P2RY8: variants seen among roughly 807,000 people sequenced by gnomAD.
P2RY8 encodes the protein P2Y receptor family member 8.
A neutral mutation model predicts 10.0 loss-of-function variants in P2RY8; 6 were observed. The observed-to-expected ratio is 0.60, with a 90% CI of 0.33 to 1.19. The LOEUF (loss-of-function observed/expected upper bound fraction) is 1.19, where lower values mean the gene tolerates loss of function less well. P2RY8 is among the 50% of genes most tolerant of loss of function. The probability of loss-of-function intolerance (pLI) is 0.04; values close to 1 mark genes in which losing one functional copy is unlikely to be tolerated. For missense variants in P2RY8, 456 were observed against 542.0 expected, an observed-to-expected ratio of 0.84 and a Z score of 1.58; for synonymous variants, 276 against 252.5, an observed-to-expected ratio of 1.09 and a Z score of -0.88.
intron 1 of P2RY8, among the ~76,000 whole-genome samples, chrX:1,474,677 C>T (rs1377080545): frequency 5.6e-4 from 57 of 100,992 alleles, no homozygotes; most frequent in Middle Eastern, 0.017. Flanking sequence ...GATGGGTGGA[C>T]AGATGGATGA....
chrX:1,514,725 TCCCTTCCTTCCCTTCCTTCCCTTCCTTC>T (rs2092329446), intron 1 of P2RY8, among the ~76,000 whole-genome samples: 1 of 1,254 alleles, frequency 8.0e-4, no homozygotes, highest in African/African-American at 9.3e-4. Flanking sequence ...TCCCTTCCCT[TCCCTTCCTTCCCTTCCTTCCCTTCCTTC>T]CCTTCCCTTC....
intron 1 of P2RY8, among the ~76,000 whole-genome samples, chrX:1,495,401 T>C (rs1425840231): frequency 1.3e-5 from 2 of 151,984 alleles, no homozygotes; most frequent in Non-Finnish European, 2.9e-5. Flanking sequence ...CCTGATCCAA[T>C]AGGACCGGTG....
At chrX:1,481,995 C>T (rs2091940443) in intron 1 of P2RY8, among the ~76,000 whole-genome samples, 1 of 152,172 alleles carries the variant, frequency 6.6e-6, no homozygotes, top group South Asian at 2.1e-4. Context: ...GCAGACGCCC[C>T]GTGGAGATTT....
At chrX:1,491,259 T>C (rs1255598006) in intron 1 of P2RY8, among the ~76,000 whole-genome samples, 1 of 151,820 alleles carries the variant, frequency 6.6e-6, no homozygotes, top group African/African-American at 2.4e-5. Context: ...CAGATTCACT[T>C]CTGCAAATGT....
chrX:1,485,466 G>A (rs1424536541), intron 1 of P2RY8, among the ~76,000 whole-genome samples: 1 of 151,806 alleles, frequency 6.6e-6, no homozygotes, highest in Non-Finnish European at 1.5e-5. Context: ...TGTAAATTAT[G>A]GGTAAATGTG....
intron 1 of P2RY8, among the ~76,000 whole-genome samples, chrX:1,517,662 C>T (rs1237979515): frequency 2.0e-5 from 3 of 152,100 alleles, no homozygotes; most frequent in Admixed American, 6.5e-5. Context: ...TCTGCCTGAG[C>T]CTGTGGGGCC....
intron 1 of P2RY8, among the ~76,000 whole-genome samples, chrX:1,524,409 G>GCATGCACC (rs1309158911): frequency 9.1e-6 from 1 of 109,786 alleles, no homozygotes; most frequent in Admixed American, 8.6e-5. Context: ...ATCCATGCAT[G>GCATGCACC]CATCCATCCA....
chrX:1,534,570 C>A (rs1458450473), intron 1 of P2RY8, among the ~76,000 whole-genome samples: 2 of 152,012 alleles, frequency 1.3e-5, no homozygotes. Context: ...GACCCTGCCC[C>A]GCCCACCCCA....
At chrX:1,473,794 G>A (rs1304215097) in intron 1 of P2RY8, among the ~76,000 whole-genome samples, 2 of 146,678 alleles carry the variant, frequency 1.4e-5, no homozygotes, top group Admixed American at 6.8e-5. Context: ...GATGAATGGT[G>A]GGTGGGTTTG....
chrX:1,510,966 C>T (rs2149403462), intron 1 of P2RY8, among the ~76,000 whole-genome samples: 1 of 152,118 alleles, frequency 6.6e-6, no homozygotes, highest in Admixed American at 6.6e-5. Context: ...ATCACGGGGT[C>T]AGGAGATTGA....
chrX:1,522,114 A>G (rs2092397312), intron 1 of P2RY8, among the ~76,000 whole-genome samples: 1 of 150,824 alleles, frequency 6.6e-6, no homozygotes, highest in Non-Finnish European at 1.5e-5. Context: ...CACCATGCCC[A>G]GCTAATTTTT....
At chrX:1,526,419 AT>A (rs1162673693) in intron 1 of P2RY8, among the ~76,000 whole-genome samples, 6 of 151,688 alleles carry the variant, frequency 4.0e-5, no homozygotes, top group Admixed American at 6.6e-5. Flanking sequence ...TCATGCATCC[AT>A]TCATTCATTC....
At chrX:1,505,929 A>G (rs186439212) in intron 1 of P2RY8, among the ~76,000 whole-genome samples, 4 of 151,796 alleles carry the variant, frequency 2.6e-5, no homozygotes, top group Admixed American at 1.3e-4. Context: ...CCATTTCTAA[A>G]CTTTGTAACA....
chrX:1,529,505 G>A (rs2092459315), intron 1 of P2RY8, among the ~76,000 whole-genome samples: 1 of 152,054 alleles, frequency 6.6e-6, no homozygotes, highest in Admixed American at 6.6e-5. Flanking sequence ...ACTGGAGGGT[G>A]TACTCCTGGG....
At chrX:1,502,724 G>C (rs765435670) in intron 1 of P2RY8, among the ~76,000 whole-genome samples, 1 of 152,338 alleles carries the variant, frequency 6.6e-6, no homozygotes, top group Non-Finnish European at 1.5e-5. Context: ...ATCCTGCATT[G>C]TCTGGGTGGG....
chrX:1,535,693 C>CCACACACA (rs779177116), intron 1 of P2RY8, among the ~76,000 whole-genome samples: 1 of 125,984 alleles, frequency 7.9e-6, no homozygotes, highest in African/African-American at 3.0e-5. Context: ...GAAGAAACAA[C>CCACACACA]CACACACACA....
chrX:1,495,009 C>T (rs1483820348), intron 1 of P2RY8, among the ~76,000 whole-genome samples: 7 of 152,004 alleles, frequency 4.6e-5, no homozygotes, highest in Non-Finnish European at 1.0e-4. Context: ...TGAGCCACTG[C>T]GCCCGGCTGC....
chrX:1,501,657 G>C (rs1340243187), intron 1 of P2RY8, among the ~76,000 whole-genome samples: 2 of 151,844 alleles, frequency 1.3e-5, no homozygotes, highest in Non-Finnish European at 2.9e-5. Context: ...GCAGTGGTGC[G>C]ATCTTGGCTC....
At chrX:1,532,323 C>CGT in intron 1 of P2RY8, among the ~76,000 whole-genome samples, 1 of 145,420 alleles carries the variant, frequency 6.9e-6, no homozygotes, top group East Asian at 2.0e-4. Context: ...TATACACACA[C>CGT]GTATATATAC....
Sources: gnomAD v4.1 joint callset for allele counts (sites outside exome capture counted in the v4.1 genomes callset) on GRCh38, gnomAD v4.1.1 for gene constraint, MANE v1.5 for transcripts, NCBI Gene and HGNC (gene_info 2026-07-23, HGNC 2026-07-21) for gene names.